The following TXNDC8 variants were observed in gnomAD, a reference collection of about 807,000 sequenced individuals.
TXNDC8 encodes the protein thioredoxin domain-containing protein 8.
A neutral mutation model predicts 12.9 loss-of-function variants in TXNDC8; 15 were observed. The observed-to-expected ratio is 1.16, with a 90% confidence interval of 0.78 to 1.79. The LOEUF (loss-of-function observed/expected upper bound fraction) is 1.79. Among genes scored for constraint, TXNDC8 ranks in the 40% most tolerant of loss-of-function variants. The pLI, the probability that TXNDC8 is intolerant of heterozygous loss-of-function variation, is 0.00. For synonymous variants in TXNDC8, 40 were observed against 35.4 expected, an observed-to-expected ratio of 1.13 and a Z score of -0.46; for missense variants, 128 against 113.2, an observed-to-expected ratio of 1.13 and a Z score of -0.59.
At position 110,322,840 on chromosome 9, in the gene TXNDC8, T is replaced by C. The variant is rs769631874; in HGVS notation, c.195+3335A>G. ...ATTCATTCATTCATGCACTCACTCA[T>C]TCATCACACACATCATGAGTATTTT... On this transcript the variant is annotated intron_variant, in intron 3 of 4. Transcript: ENST00000423740. 4 of 985,302 alleles carry C rather than the reference T, an allele frequency of 4.1e-6. No individual in the cohort carries two copies. The South Asian group carries it at 1.4e-4, about 35-fold the overall frequency. The allele number at this position is 985,302 out of a possible 1,614,324, so 61.0% of individuals were successfully genotyped here.
chr9:110,328,992 C>T (rs1319609122), intron 2 of TXNDC8, among the ~76,000 whole-genome samples: 1 of 152,058 alleles, frequency 6.6e-6, no homozygotes, highest in Non-Finnish European at 1.5e-5. Context: ...CCTGCCACAG[C>T]ATAAGAGGGG....
intron 4 of TXNDC8, among the ~76,000 whole-genome samples, chr9:110,303,928 A>G (rs1321447757): frequency 3.3e-5 from 5 of 152,174 alleles, no homozygotes; most frequent in Admixed American, 3.3e-4. Flanking sequence ...GGATTTGTCA[A>G]TTAATATACA....
chr9:110,330,385 C>T (rs1839501551), intron 2 of TXNDC8, among the ~76,000 whole-genome samples: 1 of 152,160 alleles, frequency 6.6e-6, no homozygotes. Context: ...AAAATCCTTC[C>T]TAAAATTGTC....
rs778518653 is a variant in TXNDC8, at chr9:110,304,944, T to C, written c.196-412A>G. ...GGGTGGGTCACTTGAGATCAGGAGT[T>C]TGAAACCAGTCTGGCCAACATGGCA... On this transcript the variant is annotated intron_variant, in intron 3 of 4. Coordinates refer to ENST00000423740, the MANE Select transcript of TXNDC8 (RefSeq NM_001286946.2). 3.3e-5 allele frequency among the ~76,000 whole-genome samples: 5 copies of C among 152,014 alleles called. No individual in the cohort carries two copies. The East Asian group carries it at 9.7e-4, about 29-fold the overall frequency.
intron 3 of TXNDC8, among the ~76,000 whole-genome samples, chr9:110,325,411 G>A (rs903811709): frequency 7.2e-5 from 11 of 152,076 alleles, no homozygotes; most frequent in Non-Finnish European, 1.3e-4. Flanking sequence ...TGTGAATCAT[G>A]GGAACCTGAA....
At chr9:110,336,292 A>G (rs550257140) in intron 1 of TXNDC8, among the ~76,000 whole-genome samples, 1 of 152,326 alleles carries the variant, frequency 6.6e-6, no homozygotes, top group South Asian at 2.1e-4. Context: ...GTTTAGTTTC[A>G]ATCAGGTGAA....
In TXNDC8 at chr9:110,303,502, T is replaced by C; in HGVS notation, c.*180A>G. ...TGCCTTTTCAAATGTCACAAGTGTA[T>C]TTTGCCTTGGAGATCAGCTTACATT... On this transcript the variant is annotated 3_prime_UTR_variant, in exon 5 of 5. Coordinates refer to ENST00000423740, the MANE Select transcript of TXNDC8 (RefSeq NM_001286946.2). 6.6e-7 allele frequency: 1 copy of C among 1,521,024 alleles called. No individual in the cohort carries two copies. Among genetic ancestry groups the C allele is most frequent in the Non-Finnish European group, 8.9e-7 (1 of 1,127,240 alleles). 94.2% of individuals were successfully genotyped at this position (1,521,024 alleles called of 1,614,324 possible).
intron 3 of TXNDC8, among the ~76,000 whole-genome samples, chr9:110,325,935 T>C (rs1468974674): frequency 1.3e-5 from 2 of 152,260 alleles, no homozygotes; most frequent in Non-Finnish European, 2.9e-5. Context: ...TGGACTTGGA[T>C]ACCTCAGATG....
intron 2 of TXNDC8, among the ~76,000 whole-genome samples, chr9:110,331,475 A>G (rs192777663): frequency 6.6e-6 from 1 of 152,190 alleles, no homozygotes; most frequent in African/African-American, 2.4e-5. Context: ...TCCCAAGCCC[A>G]TTCACCCAGT....
intron 3 of TXNDC8, among the ~76,000 whole-genome samples, chr9:110,321,085 T>C (rs1839075936): frequency 6.6e-6 from 1 of 152,232 alleles, no homozygotes; most frequent in African/African-American, 2.4e-5. Flanking sequence ...GCTTTGTTTG[T>C]TTTAGTTTTT....
rs201277248 is a variant in TXNDC8, at chr9:110,305,546, TTTTCTTTCTTTCTTTCTTTC to T, written c.196-1034_196-1015del. On this transcript the variant is annotated intron_variant, in intron 3 of 4. Coordinates refer to ENST00000423740, the MANE Select transcript of TXNDC8 (RefSeq NM_001286946.2). ...TGAAATTATACTGCATGTATTTTCT[TTTTCTTTCTTTCTTTCTTTC>T]TTTCTTTCTTTCTTTCTTTCTTTCT... Among the ~76,000 whole-genome samples the T allele has an allele frequency of 8.8e-3, 1,020 of 115,488 alleles. 12 individuals are homozygous for T. The highest frequency in any genetic ancestry group is 0.022 in the East Asian group (89 of 4,066). 75.8% of individuals were successfully genotyped at this position (115,488 alleles called of 152,430 possible). A position where few individuals can be genotyped will look rare whatever the true frequency, so the allele number is the denominator to read the frequency against.
At chr9:110,323,723 G>A in intron 3 of TXNDC8, 1 of 859,138 alleles carries the variant, frequency 1.2e-6, no homozygotes, top group South Asian at 1.8e-5. Flanking sequence ...TAGATTCAGG[G>A]TGCAGTCAAT....
At chr9:110,318,544 G>T (rs1379929600) in intron 3 of TXNDC8, among the ~76,000 whole-genome samples, 1 of 152,094 alleles carries the variant, frequency 6.6e-6, no homozygotes, top group East Asian at 1.9e-4. Flanking sequence ...AGACCATCCT[G>T]CCTAACACGA....
chr9:110,305,560 TTCTTTC>T (rs1330394068), intron 3 of TXNDC8, among the ~76,000 whole-genome samples: 1 of 127,390 alleles, frequency 7.8e-6, no homozygotes, highest in East Asian at 2.4e-4. Flanking sequence ...CTTTCTTTCT[TTCTTTC>T]TTTCTTTCTT....
chr9:110,328,318 C>T (rs1055143041), intron 2 of TXNDC8, among the ~76,000 whole-genome samples: 3 of 151,908 alleles, frequency 2.0e-5, no homozygotes, highest in Non-Finnish European at 2.9e-5. Flanking sequence ...TAATAAGACA[C>T]ACTTTGTTTG....
intron 3 of TXNDC8, chr9:110,323,128 G>C (rs1484334172): frequency 1.0e-6 from 1 of 985,246 alleles, no homozygotes. Context: ...CACAAATCTG[G>C]AGAACAGAGA....
At chr9:110,334,585 T>G (rs1329046158) in intron 1 of TXNDC8, among the ~76,000 whole-genome samples, 1 of 152,172 alleles carries the variant, frequency 6.6e-6, no homozygotes, top group African/African-American at 2.4e-5. Context: ...ACCATGCCAT[T>G]GTTCTCTAGC....
rs575894580 is a variant in TXNDC8 at position 110,319,198 on chromosome 9, A to G, written c.195+6977T>C. ...AAGAGGTTTCTTTTTTTCCTCATGC[A>G]GAACATCTCTGTGTGTAACACAATC... is the stretch of plus-strand genomic sequence containing the variant. On this transcript the variant is annotated intron_variant, in intron 3 of 4. Transcript: ENST00000423740. 3.3e-5 allele frequency among the ~76,000 whole-genome samples: 5 copies of G among 152,318 alleles called. No homozygotes were observed. In the South Asian group the frequency reaches 1.0e-3, roughly 32 times the overall value.
At chr9:110,316,639 A>G (rs974243415) in intron 3 of TXNDC8, among the ~76,000 whole-genome samples, 2 of 152,228 alleles carry the variant, frequency 1.3e-5, no homozygotes, top group African/African-American at 4.8e-5. Flanking sequence ...CCTTATCTAT[A>G]CTGGCCTTCT....
Sources: allele counts gnomAD v4.1 joint callset (sites outside exome capture counted in the v4.1 genomes callset), GRCh38; gene constraint gnomAD v4.1.1; transcripts MANE v1.5; gene names NCBI Gene and HGNC (gene_info 2026-07-23, HGNC 2026-07-21).